C3: variants seen among roughly 807,000 people sequenced by gnomAD.
C3 encodes the protein C3 and PZP-like alpha-2-macroglobulin domain-containing protein 1.
Under a neutral mutation model 207.9 loss-of-function variants are expected in C3, and 97 were observed. The ratio of observed to expected loss-of-function variants is 0.47; its 90% CI spans 0.40 to 0.55. The LOEUF (loss-of-function observed/expected upper bound fraction) is 0.55, where lower values mean the gene tolerates loss of function less well. Among genes scored for constraint, C3 ranks in the 20% least tolerant of loss-of-function variants. The pLI is 0.00. For missense variants in C3, 1,684 were observed against 2,171.7 expected, an observed-to-expected ratio of 0.78 and a Z score of 4.46; for synonymous variants, 848 against 857.6, an observed-to-expected ratio of 0.99 and a Z score of 0.20.
chr19:6,689,292 A>T lies in C3; in HGVS notation c.3489+1337T>A, dbSNP rs144422623. Among the ~76,000 whole-genome samples the T allele has an allele frequency of 6.2e-4, 57 of 91,548 alleles. 3 individuals carry two copies. In the East Asian group the frequency reaches 7.8e-3, roughly 13 times the overall value. 60.1% of individuals were successfully genotyped at this position (91,548 alleles called of 152,430 possible). On this transcript the variant is annotated intron_variant, in intron 27 of 40. Transcript: ENST00000245907. ...TTTGAAGTCAGATTTGTCTGACCCC[A>T]CCTCTCCTCTCTCTCTCTCTCTCTC...
chr19:6,712,284 G>A lies in C3; in HGVS notation c.1242C>T (p.His414=). 6.2e-7 allele frequency: 1 copy of A among 1,614,054 alleles called. No individual in the cohort carries two copies. Among genetic ancestry groups the A allele is most frequent in the Non-Finnish European group, 8.5e-7 (1 of 1,180,024 alleles). ...TGATGCTCAAGGGCTTCTGGCTGGG[G>A]TGTGTGTTGATGCTGAGTTTGGCCA... The part of the protein sequence containing the change: ...DGVAKLSINT[H]PSQKPLSITV... Residue 414 remains histidine (H), a synonymous_variant, in exon 11 of 41, where the codon CAC becomes CAT. Transcript: ENST00000245907.
chr19:6,678,462 G>T lies in C3; in HGVS notation c.4631-7C>A, dbSNP rs1309061230. 1 of 1,613,668 alleles carries T rather than the reference G, an allele frequency of 6.2e-7. No individual in the cohort carries two copies. The highest frequency in any genetic ancestry group is 1.1e-5 in the South Asian group (1 of 91,064). On this transcript the variant is annotated splice_region_variant and splice_polypyrimidine_tract_variant and intron_variant, in intron 38 of 40. Coordinates refer to ENST00000245907, the MANE Select transcript of C3 (RefSeq NM_000064.4). ...ACCAGTCGGGTCTTGTACACTGTGG[G>T]GGAGAGGCAGACAGTTTGGGTGGTG...
At chr19:6,702,636 G>T in intron 17 of C3, 57 bp from the exon 18 acceptor site, 1 of 1,238,046 alleles carries the variant, frequency 8.1e-7, no homozygotes, top group Non-Finnish European at 1.2e-6. Flanking sequence ...CATGGCTCAT[G>T]CCTGAAATCC....
At chr19:6,696,330 C>T (rs774220329) in intron 23 of C3, 49 bp downstream of exon 23, 10 of 1,272,956 alleles carry the variant, frequency 7.9e-6, no homozygotes, top group Admixed American at 1.9e-5. Flanking sequence ...AATTTGGCTC[C>T]ATCCATGCCC....
At chr19:6,688,571 G>A (rs929631206) in intron 27 of C3, among the ~76,000 whole-genome samples, 10 of 150,820 alleles carry the variant, frequency 6.6e-5, no homozygotes, top group South Asian at 2.1e-4. Flanking sequence ...CCAGGCTGGA[G>A]TGCAGTGGCG....
intron 19 of C3, among the ~76,000 whole-genome samples, chr19:6,699,476 G>A (rs568532599): frequency 2.6e-5 from 4 of 152,164 alleles, no homozygotes; most frequent in South Asian, 4.1e-4. Flanking sequence ...GGTGGCTCAC[G>A]CCTGTAATTC....
At chr19:6,698,948 G>T (rs1895388) in intron 19 of C3, among the ~76,000 whole-genome samples, 1 of 151,604 alleles carries the variant, frequency 6.6e-6, no homozygotes, top group South Asian at 2.1e-4. Context: ...GCACCCACCC[G>T]CATGTCCTGC....
At chr19:6,703,436 G>A (rs985683557) in intron 17 of C3, among the ~76,000 whole-genome samples, 3 of 151,976 alleles carry the variant, frequency 2.0e-5, no homozygotes, top group Non-Finnish European at 4.4e-5. Flanking sequence ...GCAAAACCGC[G>A]CCTCTACTAA....
intron 26 of C3, among the ~76,000 whole-genome samples, chr19:6,691,055 CTTT>C (rs112828808): frequency 3.8e-5 from 5 of 131,752 alleles, no homozygotes; most frequent in Non-Finnish European, 3.2e-5. Context: ...GAGATATACA[CTTT>C]TTTTTTTTTT....
intron 27 of C3, among the ~76,000 whole-genome samples, chr19:6,687,507 T>C (rs931343580): frequency 1.3e-5 from 2 of 152,142 alleles, no homozygotes; most frequent in African/African-American, 4.8e-5. Context: ...ACCTAGGAAA[T>C]AAGTGGCAGA....
rs1454579636 is a variant in C3, at chr19:6,678,034, G to A, written c.4851-11C>T. 8.1e-6 allele frequency: 13 copies of A among 1,614,202 alleles called. No homozygotes were observed. The highest frequency in any genetic ancestry group is 1.1e-5 in the South Asian group (1 of 91,082). On this transcript the variant is annotated splice_polypyrimidine_tract_variant and intron_variant, in intron 40 of 40. Transcript: ENST00000245907. ...ATGATGTAGCTGAGGCTGGAGGGAA[G>A]AATGGCAGGTCAGGAAGGGGCGTGG...
chr19:6,688,001 C>T (rs1360616714), intron 27 of C3, among the ~76,000 whole-genome samples: 6 of 151,608 alleles, frequency 4.0e-5, no homozygotes, highest in Admixed American at 6.6e-5. Context: ...GGACTACAGG[C>T]GTCCGCCACC....
rs2145437892 is a variant in C3 at position 6,719,104 on chromosome 19, G to C, written c.267+107C>G. The C allele has an allele frequency of 9.9e-7, 1 of 1,007,048 alleles. No homozygotes were observed. The highest frequency in any genetic ancestry group is 1.6e-5 in the African/African-American group (1 of 63,022). The allele number at this position is 1,007,048 out of a possible 1,614,324, so 62.4% of individuals were successfully genotyped here. ...TCCGAAGGGGTGGAGTCTCAGGGAA[G>C]GGCAGGGCTTAGAAAGGGAGAAGAC... On this transcript the variant is annotated intron_variant, in intron 2 of 40. Transcript: ENST00000245907. This position sits in a 1 kb window ranked among gnomAD's most constrained non-coding sequence, Gnocchi z 5.4.
chr19:6,698,691 A>G (rs1008242952), intron 19 of C3, among the ~76,000 whole-genome samples: 2 of 152,154 alleles, frequency 1.3e-5, no homozygotes, highest in African/African-American at 4.8e-5. Flanking sequence ...CCTGGGCAAC[A>G]GAGTGAGATC....
At chr19:6,711,550 A>T (rs1315765757) in intron 11 of C3, among the ~76,000 whole-genome samples, 1 of 152,164 alleles carries the variant, frequency 6.6e-6, no homozygotes, top group Non-Finnish European at 1.5e-5. Flanking sequence ...TTTCCCCCAG[A>T]GCCAGGACTT....
At chr19:6,682,541 GC>G in intron 33 of C3, 2 of 383,024 alleles carry the variant, frequency 5.2e-6, no homozygotes, top group South Asian at 4.4e-5. Context: ...AATACAGGCA[GC>G]CCTCACTCTG....
chr19:6,706,578 C>G (rs1967777524), intron 17 of C3, among the ~76,000 whole-genome samples: 1 of 151,986 alleles, frequency 6.6e-6, no homozygotes, highest in African/African-American at 2.4e-5. Context: ...AGACAGGGGC[C>G]TCCTCTCCCA....
rs766656069 is a variant in C3 at position 6,693,428 on chromosome 19, G to A, written c.3214C>T (p.Arg1072Trp). 4.3e-6 allele frequency: 7 copies of A among 1,611,354 alleles called. No homozygotes were observed. Among genetic ancestry groups the A allele is most frequent in the East Asian group, 2.2e-5 (1 of 44,810 alleles). The part of the protein sequence containing the change: ...PSSAFAAFVK[R>W]APSTWLTAYV... ...GGGACTCACCAGGTGCTGGGTGCCC[G>A]TTTCACGAAGGCCGCAAAGGCAGAG... Residue 1072 changes from arginine to tryptophan, a missense_variant, in exon 25 of 41, where the codon CGG (arginine) becomes TGG (tryptophan). Physicochemically the swap from Arg to Trp is moderately radical, Grantham distance 101. Transcript: ENST00000245907.
Position 6,713,217 on chromosome 19 carries a change from G to A in C3, c.975C>T (p.Tyr325=), listed in dbSNP as rs1301665029. The A allele has an allele frequency of 1.2e-5, 20 of 1,613,580 alleles. No homozygotes were observed. Among genetic ancestry groups the A allele is most frequent in the African/African-American group, 8.0e-5 (6 of 74,908 alleles). Residue 325 remains tyrosine (Y), a synonymous_variant, in exon 9 of 41, where the codon TAC becomes TAT. Coordinates refer to ENST00000245907, the MANE Select transcript of C3 (RefSeq NM_000064.4). ...AGTGCAAGATGACGGTGGCAGACAC[G>A]TACAAAGACTTCCCCACCAGGTCTT... ...RAEDLVGKSL[Y]VSATVILHSG...
Sources: allele counts gnomAD v4.1 joint callset (sites outside exome capture counted in the v4.1 genomes callset), GRCh38; gene constraint gnomAD v4.1.1; non-coding constraint Gnocchi (gnomAD v3.1); transcripts MANE v1.5; gene names NCBI Gene and HGNC (gene_info 2026-07-23, HGNC 2026-07-21).